DPYD: variants seen among roughly 807,000 people sequenced by gnomAD.
DPYD encodes the protein dihydropyrimidine dehydrogenase [NADP(+)].
A neutral mutation model predicts 116.2 loss-of-function variants in DPYD; 109 were observed. The observed-to-expected ratio is 0.94, with a 90% CI of 0.80 to 1.10. The LOEUF (loss-of-function observed/expected upper bound fraction) is 1.10. Ranked by LOEUF, DPYD falls within the 50% of genes least tolerant of loss-of-function variation. The probability of loss-of-function intolerance (pLI) is 0.00; values close to 1 mark genes in which losing one functional copy is unlikely to be tolerated. For synonymous variants in DPYD, 440 were observed against 432.0 expected (o/e 1.02, Z -0.23); for missense variants, 1,302 against 1,254.5 (o/e 1.04, Z -0.57).
At chr1:97,621,172 G>A (rs988556786) in intron 8 of DPYD, among the ~76,000 whole-genome samples, 1 of 152,214 alleles carries the variant, frequency 6.6e-6, no homozygotes, top group African/African-American at 2.4e-5. Flanking sequence ...GGTCCTTTCA[G>A]TAGTACAGAA....
At chr1:97,717,710 C>T (rs1433628060) in intron 5 of DPYD, among the ~76,000 whole-genome samples, 2 of 152,016 alleles carry the variant, frequency 1.3e-5, no homozygotes, top group Non-Finnish European at 2.9e-5. Context: ...GGCTTCCATT[C>T]CTGAGTTACT....
In DPYD at chr1:97,779,623, C is replaced by A. The variant is rs1372327269; in HGVS notation, c.234-39144G>T. On this transcript the variant is annotated intron_variant, in intron 3 of 22. Coordinates refer to ENST00000370192, the MANE Select transcript of DPYD (RefSeq NM_000110.4). ...CAGTGATTCATGTTTGTAATGGGTT[C>A]TCTGTTTCCCTTTTTGCATTAGTTG... is the stretch of plus-strand genomic sequence containing the variant. 3.3e-5 allele frequency among the ~76,000 whole-genome samples: 5 copies of A among 152,060 alleles called. No individual in the cohort carries two copies. In the South Asian group the frequency reaches 6.2e-4, roughly 19 times the overall value.
At chr1:97,134,888 T>A (rs1653666804) in intron 20 of DPYD, among the ~76,000 whole-genome samples, 1 of 152,124 alleles carries the variant, frequency 6.6e-6, no homozygotes, top group African/African-American at 2.4e-5. Context: ...AGTACCTCAG[T>A]GTTGGGAGTT....
chr1:97,814,830 G>C (rs913362904), intron 3 of DPYD, among the ~76,000 whole-genome samples: 1 of 151,010 alleles, frequency 6.6e-6, no homozygotes, highest in Non-Finnish European at 1.5e-5. Flanking sequence ...CTTGAATCTG[G>C]GATGGGGAGG....
intron 18 of DPYD, among the ~76,000 whole-genome samples, chr1:97,276,313 G>A (rs1232862430): frequency 2.6e-5 from 4 of 152,018 alleles, no homozygotes; most frequent in Non-Finnish European, 5.9e-5. Flanking sequence ...TGTGACCTAA[G>A]TAAACTAAAT....
chr1:97,758,321 C>A (rs1255106058), intron 3 of DPYD, among the ~76,000 whole-genome samples: 2 of 151,552 alleles, frequency 1.3e-5, no homozygotes, highest in Non-Finnish European at 2.9e-5. Flanking sequence ...ACCCCATATC[C>A]TCTTCACATA....
At chr1:97,103,792 T>C (rs1263191872) in intron 20 of DPYD, among the ~76,000 whole-genome samples, 2 of 151,620 alleles carry the variant, frequency 1.3e-5, no homozygotes, top group Admixed American at 6.6e-5. Context: ...AGAATGACAG[T>C]ATCAAACTCA....
Position 97,904,723 on chromosome 1 carries a change from C to A in DPYD, c.39+16161G>T, listed in dbSNP as rs1450072606. On this transcript the variant is annotated intron_variant, in intron 1 of 22. Coordinates refer to ENST00000370192, the MANE Select transcript of DPYD (RefSeq NM_000110.4). ...TATTTCAAAACCACTTCTGGGAAAA[C>A]TACTCATTCTCTGGGTATCTCCCAT... Among the ~76,000 whole-genome samples, 4 of 152,160 alleles carry A rather than the reference C, an allele frequency of 2.6e-5. No homozygotes were observed. The East Asian group carries it at 7.8e-4, about 30-fold the overall frequency.
chr1:97,706,881 T>C (rs1037324576), intron 5 of DPYD, among the ~76,000 whole-genome samples: 1 of 152,102 alleles, frequency 6.6e-6, no homozygotes, highest in Non-Finnish European at 1.5e-5. Flanking sequence ...TGCCAGATCA[T>C]ATGATAAGAG....
intron 12 of DPYD, among the ~76,000 whole-genome samples, chr1:97,541,354 A>C (rs1255013817): frequency 1.3e-5 from 2 of 152,224 alleles, no homozygotes; most frequent in African/African-American, 4.8e-5. Flanking sequence ...GAGTTACTTA[A>C]AAAATACTGC....
At chr1:97,675,638 G>C (rs1291302112) in intron 8 of DPYD, among the ~76,000 whole-genome samples, 1 of 151,976 alleles carries the variant, frequency 6.6e-6, no homozygotes, top group Non-Finnish European at 1.5e-5. Context: ...TTATGTCATA[G>C]TTAATTAAAA....
intron 19 of DPYD, among the ~76,000 whole-genome samples, chr1:97,219,452 A>G (rs1660642017): frequency 6.6e-6 from 1 of 152,200 alleles, no homozygotes; most frequent in Admixed American, 6.5e-5. Context: ...CCTTGTATAG[A>G]AAGTTAATGA....
At chr1:97,520,161 G>T (rs963177759) in intron 12 of DPYD, among the ~76,000 whole-genome samples, 1 of 151,912 alleles carries the variant, frequency 6.6e-6, no homozygotes, top group Non-Finnish European at 1.5e-5. Flanking sequence ...TATTCAGCAG[G>T]TATTTGTTAA....
chr1:97,456,406 A>C (rs1676688225), intron 13 of DPYD, among the ~76,000 whole-genome samples: 1 of 151,984 alleles, frequency 6.6e-6, no homozygotes, highest in South Asian at 2.1e-4. Context: ...CTGTTGGCTT[A>C]TCTCTTCATT....
chr1:97,462,741 G>T (rs1468471993), intron 13 of DPYD, among the ~76,000 whole-genome samples: 4 of 152,280 alleles, frequency 2.6e-5, no homozygotes, highest in African/African-American at 9.6e-5. Flanking sequence ...TTTTGAAATG[G>T]TCCTGCAAAG....
At chr1:97,737,921 A>T (rs1664053398) in intron 4 of DPYD, among the ~76,000 whole-genome samples, 1 of 152,130 alleles carries the variant, frequency 6.6e-6, no homozygotes, top group Admixed American at 6.5e-5. Flanking sequence ...ACAAAGAAAA[A>T]CTTTTCTTTT....
At chr1:97,327,366 G>A (rs970150824) in intron 16 of DPYD, among the ~76,000 whole-genome samples, 3 of 151,816 alleles carry the variant, frequency 2.0e-5, no homozygotes, top group African/African-American at 7.2e-5. Flanking sequence ...CCTTGAATGA[G>A]AAAAGAAACA....
chr1:97,157,950 AT>A (rs767745160), intron 20 of DPYD, among the ~76,000 whole-genome samples: 3 of 152,152 alleles, frequency 2.0e-5, no homozygotes, highest in Non-Finnish European at 4.4e-5. Flanking sequence ...AGGTACTTCT[AT>A]AATAATCAGG....
intron 12 of DPYD, among the ~76,000 whole-genome samples, chr1:97,541,010 C>G (rs1319947017): frequency 1.3e-5 from 2 of 152,154 alleles, no homozygotes; most frequent in Non-Finnish European, 2.9e-5. Flanking sequence ...AATGAAGAAA[C>G]TGAGGTCCTC....
Sources: gnomAD v4.1 joint callset for allele counts (sites outside exome capture counted in the v4.1 genomes callset) on GRCh38, gnomAD v4.1.1 for gene constraint, MANE v1.5 for transcripts, NCBI Gene and HGNC (gene_info 2026-07-23, HGNC 2026-07-21) for gene names.